Variants in CDK8 observed in about 807,000 individuals in gnomAD.
CDK8 encodes the protein cyclin-dependent kinase 8.
CDK8 carries 29 observed loss-of-function variants against 71.5 expected under a neutral mutation model. The ratio of observed to expected loss-of-function variants is 0.41; its 90% CI spans 0.30 to 0.55. CDK8 has a LOEUF of 0.55. Ranked by LOEUF, CDK8 falls within the 20% of genes least tolerant of loss-of-function variation. CDK8 has a pLI of 0.37. For missense variants in CDK8, 288 were observed against 572.6 expected (o/e 0.50, Z 5.07); for synonymous variants, 161 against 192.1 (o/e 0.84, Z 1.34).
intron 1 of CDK8, among the ~76,000 whole-genome samples, chr13:26,277,733 G>T (rs748101426): frequency 3.9e-5 from 6 of 152,112 alleles, no homozygotes; most frequent in Admixed American, 2.6e-4. Context: ...TAAGACAGTT[G>T]GATAGAAGCA....
At chr13:26,283,607 C>T (rs1290656898) in intron 1 of CDK8, among the ~76,000 whole-genome samples, 1 of 135,546 alleles carries the variant, frequency 7.4e-6, no homozygotes, top group African/African-American at 2.7e-5. Flanking sequence ...GACTCCGTCT[C>T]AAAAAAAGTA....
chr13:26,330,632 CAT>C, intron 1 of CDK8, among the ~76,000 whole-genome samples: 1 of 123,136 alleles, frequency 8.1e-6, no homozygotes, highest in Non-Finnish European at 2.0e-5. Flanking sequence ...CACGTGTTCA[CAT>C]TTTTTTTTTT....
At chr13:26,264,180 C>T (rs1319788668) in intron 1 of CDK8, among the ~76,000 whole-genome samples, 1 of 152,072 alleles carries the variant, frequency 6.6e-6, no homozygotes. Flanking sequence ...TTTTTTAATG[C>T]TGACTTAATG....
intron 1 of CDK8, among the ~76,000 whole-genome samples, chr13:26,270,209 T>C (rs142576350): frequency 8.4e-4 from 127 of 152,028 alleles, no homozygotes; most frequent in Middle Eastern, 3.4e-3. Context: ...AATCAACATG[T>C]GAAACCCTAT....
chr13:26,310,544 G>T (rs1302435724), intron 1 of CDK8, among the ~76,000 whole-genome samples: 3 of 152,064 alleles, frequency 2.0e-5, no homozygotes, highest in Non-Finnish European at 4.4e-5. Flanking sequence ...TAAGGAGTGT[G>T]CAACCTAGAT....
intron 1 of CDK8, among the ~76,000 whole-genome samples, chr13:26,264,205 T>C (rs974176592): frequency 6.6e-6 from 1 of 152,228 alleles, no homozygotes; most frequent in African/African-American, 2.4e-5. Flanking sequence ...TTTTTTAAAG[T>C]GTAAAATTAA....
At chr13:26,293,632 A>G (rs569155901) in intron 1 of CDK8, among the ~76,000 whole-genome samples, 41 of 150,540 alleles carry the variant, frequency 2.7e-4, no homozygotes, top group African/African-American at 1.0e-3. Context: ...AAATTTGTAT[A>G]TATTTATGGT....
chr13:26,285,938 G>A (rs1373953220), intron 1 of CDK8, among the ~76,000 whole-genome samples: 1 of 152,026 alleles, frequency 6.6e-6, no homozygotes, highest in East Asian at 1.9e-4. Context: ...AAATACTTAC[G>A]AATATACCTA....
intron 1 of CDK8, among the ~76,000 whole-genome samples, chr13:26,334,353 G>A (rs1872889093): frequency 6.6e-6 from 1 of 152,150 alleles, no homozygotes; most frequent in African/African-American, 2.4e-5. Flanking sequence ...ATAATAGAAT[G>A]TGTTATACCC....
At chr13:26,266,179 T>C (rs1303963241) in intron 1 of CDK8, among the ~76,000 whole-genome samples, 2 of 152,170 alleles carry the variant, frequency 1.3e-5, no homozygotes, top group Non-Finnish European at 1.5e-5. Flanking sequence ...AGCTTTGATA[T>C]GTTGACTTTC....
intron 9 of CDK8, among the ~76,000 whole-genome samples, chr13:26,399,273 G>A (rs1439948784): frequency 6.6e-6 from 1 of 152,160 alleles, no homozygotes; most frequent in East Asian, 1.9e-4. Context: ...GCCTCCCAAA[G>A]TGCTGGGATT....
intron 1 of CDK8, among the ~76,000 whole-genome samples, chr13:26,302,749 G>A (rs893266348): frequency 1.3e-5 from 2 of 152,174 alleles, no homozygotes. Flanking sequence ...CCTAATCCAG[G>A]TTACAAGTTT....
intron 1 of CDK8, among the ~76,000 whole-genome samples, chr13:26,335,918 CTT>C (rs1491367102): frequency 2.6e-5 from 2 of 77,220 alleles, no homozygotes; most frequent in African/African-American, 7.4e-5. Context: ...TATTCTCTTG[CTT>C]AACAACAACA....
intron 4 of CDK8, among the ~76,000 whole-genome samples, chr13:26,362,222 A>G (rs73491178): frequency 2.2e-4 from 32 of 146,774 alleles, no homozygotes; most frequent in African/African-American, 6.4e-4. Flanking sequence ...GATAGATGAT[A>G]GATGGATGGA....
At chr13:26,362,499 G>T (rs368568767) in intron 4 of CDK8, among the ~76,000 whole-genome samples, 22 of 152,168 alleles carry the variant, frequency 1.4e-4, no homozygotes, top group Admixed American at 1.1e-3. Flanking sequence ...GAGTCCAAAG[G>T]CCAGAGAATG....
intron 1 of CDK8, among the ~76,000 whole-genome samples, chr13:26,269,310 T>C (rs1872184645): frequency 6.6e-6 from 1 of 152,230 alleles, no homozygotes; most frequent in South Asian, 2.1e-4. Context: ...CATATATTTT[T>C]ATCTTTTTAT....
intron 1 of CDK8, among the ~76,000 whole-genome samples, chr13:26,310,950 C>T (rs1369511567): frequency 6.6e-6 from 1 of 152,084 alleles, no homozygotes; most frequent in African/African-American, 2.4e-5. Context: ...TTGCCCTCCT[C>T]CCTACCCACC....
chr13:26,323,774 G>C (rs1376099296), intron 1 of CDK8, among the ~76,000 whole-genome samples: 12 of 152,042 alleles, frequency 7.9e-5, no homozygotes. Context: ...CGTTCAGCTT[G>C]TGACTTTTGA....
At chr13:26,266,941 G>A (rs1281224406) in intron 1 of CDK8, among the ~76,000 whole-genome samples, 1 of 152,112 alleles carries the variant, frequency 6.6e-6, no homozygotes, top group African/African-American at 2.4e-5. Flanking sequence ...GTCCAGAAAT[G>A]TATTCTTAAA....
Sources: allele counts gnomAD v4.1 joint callset (sites outside exome capture counted in the v4.1 genomes callset), GRCh38; gene constraint gnomAD v4.1.1; transcripts MANE v1.5; gene names NCBI Gene and HGNC (gene_info 2026-07-23, HGNC 2026-07-21).